CFAP46: variants seen among roughly 807,000 people sequenced by gnomAD.
CFAP46 encodes cilia and flagella associated protein 46.
A neutral mutation model predicts 325.7 loss-of-function variants in CFAP46; 245 were observed. The observed-to-expected ratio is 0.75, with a 90% CI of 0.68 to 0.84. The LOEUF is 0.84. CFAP46 is among the 40% of genes least tolerant of loss of function. CFAP46 has a pLI of 0.00. For missense variants in CFAP46, 3,346 were observed against 3,543.0 expected (o/e 0.94, Z 1.41); for synonymous variants, 1,523 against 1,495.9 (o/e 1.02, Z -0.42).
intron 22 of CFAP46, 85 bp downstream of exon 22, chr10:132,908,383 C>A: frequency 6.7e-7 from 1 of 1,487,768 alleles, no homozygotes; most frequent in South Asian, 1.2e-5. Flanking sequence ...GGGGCGCTCA[C>A]CTGCTCCCTG....
chr10:132,839,449 C>T (rs1260577543), intron 44 of CFAP46, among the ~76,000 whole-genome samples: 1 of 152,258 alleles, frequency 6.6e-6, no homozygotes, highest in Admixed American at 6.5e-5. Flanking sequence ...GGCACGGAGC[C>T]TCTCGGCCCA....
intron 9 of CFAP46, 76 bp downstream of exon 9, chr10:132,929,629 C>A (rs1849861699): frequency 7.2e-7 from 1 of 1,398,124 alleles, no homozygotes; most frequent in Non-Finnish European, 1.0e-6. Flanking sequence ...AACTGCTCTT[C>A]CTTTCTTTGC....
intron 50 of CFAP46, among the ~76,000 whole-genome samples, chr10:132,823,457 G>GTGTGTGCTGTGTGAGCGCTGA (rs1564767244): frequency 1.5e-4 from 17 of 115,994 alleles, no homozygotes; most frequent in African/African-American, 4.5e-4. Context: ...GATGTGTGTT[G>GTGTGTGCTGTGTGAGCGCTGA]TGTGTGCTGT....
At chr10:132,835,579 CT>C in intron 46 of CFAP46, 145 bp from the exon 47 acceptor site, 11 of 1,059,424 alleles carry the variant, frequency 1.0e-5, no homozygotes, top group East Asian at 5.2e-5. Context: ...TGGGGTCCCC[CT>C]GGTCCCATGC....
rs918034157 is a variant in CFAP46, at chr10:132,913,188, T to G, written c.2191A>C (p.Ile731Leu). ...TTCTGCACAATCCACGCCTCCTGGA[T>G]CTCCTGTCCGATCTCTGCGGAGCGC... Reference protein sequence around the residue: ...WLRSAEIGQEIQEAWIVQNAV... With the variant: ...WLRSAEIGQELQEAWIVQNAV... Residue 731 changes from isoleucine (I) to leucine (L), a missense_variant, in exon 18 of 58, where the codon ATC becomes CTC. Ile to Leu is a conservative substitution (Grantham distance 5). Transcript: ENST00000368586. 7.1e-6 allele frequency: 11 copies of G among 1,550,318 alleles called. No individual in the cohort carries two copies. In the African/African-American group the frequency reaches 1.4e-4, roughly 19 times the overall value.
At chr10:132,921,995 T>A (rs1252303101) in intron 13 of CFAP46, 109 bp downstream of exon 13, 22 of 1,353,358 alleles carry the variant, frequency 1.6e-5, no homozygotes, top group Non-Finnish European at 2.0e-5. Flanking sequence ...TCCTTGTGCA[T>A]CCAGGGGGCG....
intron 44 of CFAP46, among the ~76,000 whole-genome samples, chr10:132,837,655 A>G (rs1390302822): frequency 1.4e-5 from 2 of 146,860 alleles, no homozygotes; most frequent in South Asian, 2.2e-4. Context: ...ACGTACACAG[A>G]TGCACACAGA....
Position 132,905,371 on chromosome 10 carries a change from G to A in CFAP46, c.2924+3097C>T, listed in dbSNP as rs146586185. Among the ~76,000 whole-genome samples the A allele has an allele frequency of 4.0e-4, 61 of 151,248 alleles. No individual in the cohort carries two copies. The East Asian group carries it at 4.9e-3, about 12-fold the overall frequency. On this transcript the variant is annotated intron_variant, in intron 22 of 57. Coordinates refer to ENST00000368586, the MANE Select transcript of CFAP46 (RefSeq NM_001200049.3). ...CCAATGCAGTCAGACAGCTCTCTCC[G>A]CACAGCGTCCATCTGGGGACAGCTC...
intron 53 of CFAP46, 143 bp from the exon 54 acceptor site, chr10:132,814,397 C>T (rs2134770297): frequency 1.9e-6 from 2 of 1,055,520 alleles, no homozygotes; most frequent in Non-Finnish European, 1.4e-6. Context: ...GATGGTAGAA[C>T]CAGGCTAGCC....
Position 132,834,258 on chromosome 10 carries a change from C to T in CFAP46, c.6867-135G>A. 3 of 818,442 alleles carry T rather than the reference C, an allele frequency of 3.7e-6. No individual in the cohort carries two copies. The South Asian group carries it at 5.0e-5, about 14-fold the overall frequency. The allele number at this position is 818,442 out of a possible 1,614,324, so 50.7% of individuals were successfully genotyped here. On this transcript the variant is annotated intron_variant, in intron 48 of 57. Coordinates refer to ENST00000368586, the MANE Select transcript of CFAP46 (RefSeq NM_001200049.3). ...CCCCACGCTCACTTCTGGGGATGGT[C>T]CCACTGAGGTGGGGCCGGGATGAGC...
At chr10:132,820,774 C>T (rs1484683919) in intron 50 of CFAP46, among the ~76,000 whole-genome samples, 13 of 98,328 alleles carry the variant, frequency 1.3e-4, no homozygotes, top group South Asian at 4.1e-4. Context: ...GCTGTGTGTG[C>T]GCTGATGCGT....
At chr10:132,906,756 G>A (rs1223988611) in intron 22 of CFAP46, among the ~76,000 whole-genome samples, 37 of 92,960 alleles carry the variant, frequency 4.0e-4, no homozygotes, top group East Asian at 2.2e-3. Flanking sequence ...GTGATGCCCC[G>A]TCCTGGGCAC....
intron 13 of CFAP46, 60 bp from the exon 14 acceptor site, chr10:132,920,242 C>T (rs1292032486): frequency 1.4e-6 from 2 of 1,460,760 alleles, no homozygotes. Flanking sequence ...GGGGACGTGC[C>T]CATCAGTAAC....
intron 22 of CFAP46, among the ~76,000 whole-genome samples, chr10:132,906,971 C>T (rs575536965): frequency 6.6e-6 from 1 of 152,372 alleles, no homozygotes; most frequent in South Asian, 2.1e-4. Context: ...GCTTGTGCCT[C>T]TGAGCACCCA....
At position 132,846,161 on chromosome 10, in the gene CFAP46, G is replaced by A; in HGVS notation, c.6334C>T (p.Gln2112Ter). 2 of 1,611,860 alleles carry A rather than the reference G, an allele frequency of 1.2e-6. No homozygotes were observed. The highest frequency in any genetic ancestry group is 1.1e-5 in the South Asian group (1 of 90,808). ...LAATANTSSS[Q>*]LAALLQLQHQ... Reference sequence around the variant, plus strand: ...TGTAGCTGCAGCAGGGCCGCCAGCTGTGAGCTGCTGGTGTTGGCTGTGGCT... The same window carrying A: ...TGTAGCTGCAGCAGGGCCGCCAGCTATGAGCTGCTGGTGTTGGCTGTGGCT... Residue 2112 changes from glutamine to a stop codon, truncating the protein, a stop_gained, in exon 44 of 58, where the codon CAG becomes TAG. Coordinates refer to ENST00000368586, the MANE Select transcript of CFAP46 (RefSeq NM_001200049.3). LOFTEE classifies it high-confidence loss of function.
chr10:132,908,858 G>A lies in CFAP46; in HGVS notation c.2758-224C>T, dbSNP rs1037834599. On this transcript the variant is annotated intron_variant, in intron 21 of 57. Coordinates refer to ENST00000368586, the MANE Select transcript of CFAP46 (RefSeq NM_001200049.3). Reference sequence around the variant, plus strand: ...AGGGTGTCCTGGACACGGGACTGGCGTGTGCAGCCCTTGGCTGCCCCTGAG... The same window carrying A: ...AGGGTGTCCTGGACACGGGACTGGCATGTGCAGCCCTTGGCTGCCCCTGAG... 9.2e-5 allele frequency among the ~76,000 whole-genome samples: 14 copies of A among 152,366 alleles called. No individual in the cohort carries two copies. In the East Asian group the frequency reaches 1.5e-3, roughly 17 times the overall value.
rs1850126344 is a variant in CFAP46 at position 132,942,542 on chromosome 10, A to G, written c.-58T>C. ...GGGTCCGCGGTGCGTCCTGCCGCCC[A>G]CTGTCGGTTGGGTTCTCCAGCCGCG... On this transcript the variant is annotated 5_prime_UTR_variant, in exon 1 of 58. Coordinates refer to ENST00000368586, the MANE Select transcript of CFAP46 (RefSeq NM_001200049.3). 3 of 1,236,224 alleles carry G rather than the reference A, an allele frequency of 2.4e-6. No individual in the cohort carries two copies. The highest frequency in any genetic ancestry group is 7.2e-5 in the South Asian group (2 of 27,922). 76.6% of individuals were successfully genotyped at this position (1,236,224 alleles called of 1,614,324 possible). A position where few individuals can be genotyped will look rare whatever the true frequency, so the allele number is the denominator to read the frequency against.
intron 44 of CFAP46, 100 bp downstream of exon 44, chr10:132,845,957 G>A (rs747980833): frequency 6.7e-6 from 9 of 1,333,850 alleles, no homozygotes; most frequent in Non-Finnish European, 9.1e-6. Flanking sequence ...TGGGGGGTGA[G>A]CAAGGCTGCC....
chr10:132,843,772 G>A (rs1482361431), intron 44 of CFAP46, among the ~76,000 whole-genome samples: 1 of 130,182 alleles, frequency 7.7e-6, no homozygotes, highest in African/African-American at 3.0e-5. Context: ...GTCTCAGTGG[G>A]TGTTCCCAGG....
Sources: allele counts gnomAD v4.1 joint callset (sites outside exome capture counted in the v4.1 genomes callset), GRCh38; gene constraint gnomAD v4.1.1; transcripts MANE v1.5; gene names NCBI Gene and HGNC (gene_info 2026-07-23, HGNC 2026-07-21).